Variants in RNF13 observed in about 807,000 individuals in gnomAD.
RNF13 encodes E3 ubiquitin-protein ligase RNF13.
Under a neutral mutation model 37.7 loss-of-function variants are expected in RNF13, and 19 were observed. The ratio of observed to expected loss-of-function variants is 0.50; its 90% CI spans 0.35 to 0.74. The LOEUF (loss-of-function observed/expected upper bound fraction) is 0.74. RNF13 is among the 30% of genes least tolerant of loss of function. RNF13 has a pLI of 0.01. For missense variants in RNF13, 375 were observed against 453.0 expected (o/e 0.83, Z 1.56); for synonymous variants, 144 against 157.8 (o/e 0.91, Z 0.65).
chr3:149,882,063 A>G (rs1317181474), intron 4 of RNF13, among the ~76,000 whole-genome samples: 1 of 152,024 alleles, frequency 6.6e-6, no homozygotes, highest in African/African-American at 2.4e-5. Context: ...CAGAATAACT[A>G]TTAGTAGAGT....
intron 3 of RNF13, among the ~76,000 whole-genome samples, chr3:149,864,125 A>C (rs1724557508): frequency 7.1e-6 from 1 of 141,452 alleles, no homozygotes; most frequent in Non-Finnish European, 1.5e-5. Flanking sequence ...TCTGATCCCT[A>C]GTGTTGGAGG....
At chr3:149,814,145 A>G (rs1451195347) in intron 1 of RNF13, 3 of 152,328 alleles carry the variant, frequency 2.0e-5, no homozygotes, top group Non-Finnish European at 2.9e-5. Context: ...TGTTGCCCCA[A>G]ACCTGCCCGG....
At chr3:149,941,659 C>T (rs13090546) in intron 8 of RNF13, among the ~76,000 whole-genome samples, 50,073 of 150,936 alleles carry the variant, frequency 0.33, 10,025 homozygotes, top group East Asian at 0.63. Flanking sequence ...TTCACTCTGT[C>T]GATCATGTCT....
chr3:149,912,653 G>T (rs1218212483), intron 7 of RNF13, among the ~76,000 whole-genome samples: 3 of 151,834 alleles, frequency 2.0e-5, no homozygotes, highest in African/African-American at 7.3e-5. Context: ...TGGATATATG[G>T]GTATTTATTA....
intron 4 of RNF13, among the ~76,000 whole-genome samples, chr3:149,886,770 A>G (rs926880775): frequency 5.3e-5 from 8 of 152,202 alleles, no homozygotes; most frequent in South Asian, 2.1e-4. Flanking sequence ...GTTCACTTCT[A>G]TTTCTGTTCG....
intron 3 of RNF13, among the ~76,000 whole-genome samples, chr3:149,864,092 G>A (rs955902823): frequency 2.4e-5 from 3 of 127,590 alleles, no homozygotes; most frequent in African/African-American, 9.0e-5. Context: ...CCATAGTTTG[G>A]ATATTTGATC....
chr3:149,912,315 A>G (rs1165378028), intron 7 of RNF13, among the ~76,000 whole-genome samples: 2 of 152,178 alleles, frequency 1.3e-5, no homozygotes, highest in Non-Finnish European at 2.9e-5. Context: ...TGAAAAGAGT[A>G]TAAGGGAACT....
At chr3:149,955,577 C>G (rs1428305724) in intron 8 of RNF13, among the ~76,000 whole-genome samples, 1 of 152,090 alleles carries the variant, frequency 6.6e-6, no homozygotes, top group Non-Finnish European at 1.5e-5. Flanking sequence ...TTTTGGACTA[C>G]AGGGCAATTA....
intron 5 of RNF13, among the ~76,000 whole-genome samples, chr3:149,896,300 A>T (rs1301341719): frequency 6.6e-6 from 1 of 152,164 alleles, no homozygotes; most frequent in Non-Finnish European, 1.5e-5. Flanking sequence ...CTATTGATTC[A>T]TATTTTCAGG....
At chr3:149,945,894 A>G (rs1720728407) in intron 8 of RNF13, among the ~76,000 whole-genome samples, 1 of 152,214 alleles carries the variant, frequency 6.6e-6, no homozygotes, top group Non-Finnish European at 1.5e-5. Context: ...CAAAAAGGAC[A>G]TCCACACCAA....
intron 1 of RNF13, among the ~76,000 whole-genome samples, chr3:149,831,576 C>A (rs1344575607): frequency 2.0e-5 from 3 of 152,130 alleles, no homozygotes; most frequent in Non-Finnish European, 1.5e-5. Context: ...AAATAATTAA[C>A]TTGCTTTTGA....
At chr3:149,861,136 A>C (rs964676371) in intron 3 of RNF13, among the ~76,000 whole-genome samples, 2 of 152,116 alleles carry the variant, frequency 1.3e-5, no homozygotes, top group Non-Finnish European at 2.9e-5. Flanking sequence ...GATTCAGAGA[A>C]GAGGGAACTC....
intron 8 of RNF13, among the ~76,000 whole-genome samples, chr3:149,935,473 A>ATGATTTT (rs1719583577): frequency 6.7e-6 from 1 of 149,426 alleles, no homozygotes; most frequent in East Asian, 2.0e-4. Context: ...TTTCTCTTTC[A>ATGATTTT]CCTTTCTTTA....
intron 8 of RNF13, among the ~76,000 whole-genome samples, chr3:149,931,183 C>A (rs969011551): frequency 1.3e-5 from 2 of 152,104 alleles, no homozygotes; most frequent in Non-Finnish European, 2.9e-5. Flanking sequence ...TCCACCTCAG[C>A]CTTCCAAGTA....
intron 2 of RNF13, chr3:149,851,167 A>G (rs1400664631): frequency 6.6e-6 from 1 of 152,246 alleles, no homozygotes; most frequent in African/African-American, 2.4e-5. Context: ...CAAGAACCAC[A>G]CTACCTGAAT....
At chr3:149,874,748 T>C (rs952438741) in intron 4 of RNF13, among the ~76,000 whole-genome samples, 1 of 152,122 alleles carries the variant, frequency 6.6e-6, no homozygotes, top group Non-Finnish European at 1.5e-5. Flanking sequence ...AAATTTGTAA[T>C]AGTAAGAATT....
At chr3:149,828,623 T>G (rs1010113056) in intron 1 of RNF13, among the ~76,000 whole-genome samples, 1 of 152,204 alleles carries the variant, frequency 6.6e-6, no homozygotes, top group Non-Finnish European at 1.5e-5. Context: ...AACAGTGGTA[T>G]TTGAAAGAAT....
chr3:149,814,454 A>AGAAGTGTAGTGCAGTGCTGTAGTGCAG (rs1047342179), intron 1 of RNF13: 9 of 152,224 alleles, frequency 5.9e-5, no homozygotes, highest in African/African-American at 2.2e-4. Context: ...ACAGGAGGTA[A>AGAAGTGTAGTGCAGTGCTGTAGTGCAG]GAAGTGTAGT....
intron 1 of RNF13, among the ~76,000 whole-genome samples, chr3:149,820,654 A>T (rs573037363): frequency 1.3e-5 from 2 of 152,318 alleles, no homozygotes; most frequent in South Asian, 4.1e-4. Context: ...TGGAAAAAAA[A>T]TTGAGGTAAA....
Sources: gnomAD v4.1 joint callset for allele counts (sites outside exome capture counted in the v4.1 genomes callset) on GRCh38, gnomAD v4.1.1 for gene constraint, MANE v1.5 for transcripts, NCBI Gene and HGNC (gene_info 2026-07-23, HGNC 2026-07-21) for gene names.